PIDD1: variants seen among roughly 807,000 people sequenced by gnomAD.
PIDD1 encodes p53-induced death domain protein 1, also known as p53-induced death domain-containing protein 1.
A neutral mutation model predicts 80.0 loss-of-function variants in PIDD1; 72 were observed. The ratio of observed to expected loss-of-function variants is 0.90; its 90% CI spans 0.74 to 1.09. The LOEUF is 1.09. Ranked by LOEUF, PIDD1 falls within the 50% of genes least tolerant of loss-of-function variation. The pLI is 0.00. For missense variants in PIDD1, 1,329 were observed against 1,228.3 expected (o/e 1.08, Z -1.23); for synonymous variants, 655 against 543.5 (o/e 1.21, Z -2.85).
intron 3 of PIDD1, 34 bp from the exon 4 acceptor site, chr11:802,925 GC>G: frequency 6.5e-7 from 1 of 1,528,406 alleles, no homozygotes; most frequent in Non-Finnish European, 8.9e-7. Context: ...CTTGGCACCA[GC>G]CCAGCCCACG....
At position 800,404 on chromosome 11, in the gene PIDD1, G is replaced by A. The variant is rs1354648866; in HGVS notation, c.2089C>T (p.His697Tyr). The part of the protein sequence containing the change: ...EGRICFVFYS[H>Y]LKNVKEVYVT... ...TATACCTCCTTCACATTCTTCAGGT[G>A]CGAGTAGAAGACAAAGCAGATTCTG... is the stretch of plus-strand genomic sequence containing the variant. The change falls in exon 13 of 16, where the codon CAC becomes TAC. Residue 697 changes from histidine (H) to tyrosine (Y), a missense_variant. Physicochemically the swap from His to Tyr is moderately conservative, Grantham distance 83. Coordinates refer to ENST00000347755, the MANE Select transcript of PIDD1 (RefSeq NM_145886.4). 6.3e-7 allele frequency: 1 copy of A among 1,582,414 alleles called. No individual in the cohort carries two copies. Among genetic ancestry groups the A allele is most frequent in the African/African-American group, 1.4e-5 (1 of 71,478 alleles).
Position 805,227 on chromosome 11 carries a change from C to A in PIDD1, c.-124G>T, listed in dbSNP as rs749181681. ...GGGTGGCTGCTCAGCGGGCGCTCGG[C>A]GCCTGGGATCCCGCCGGCGCGTTTC... On this transcript the variant is annotated 5_prime_UTR_variant, in exon 1 of 16. Coordinates refer to ENST00000347755, the MANE Select transcript of PIDD1 (RefSeq NM_145886.4). 3.1e-6 allele frequency: 3 copies of A among 983,232 alleles called. No individual in the cohort carries two copies. Among genetic ancestry groups the A allele is most frequent in the African/African-American group, 1.7e-5 (1 of 57,202 alleles). 60.9% of individuals were successfully genotyped at this position (983,232 alleles called of 1,614,324 possible). A position where few individuals can be genotyped will look rare whatever the true frequency, so the allele number is the denominator to read the frequency against.
chr11:801,106 G>A lies in PIDD1; in HGVS notation c.1645C>T (p.Arg549Cys), dbSNP rs143934950. ...PSGITGLSLD[R>C]SRLHLLYWAP... The stretch of plus-strand genomic sequence containing the variant: ...CAGTACAACAGGTGCAGGCGGGAGC[G>A]GTCCAGACTGAGGCCTGGGGATGGG... Residue 549 changes from arginine (R) to cysteine (C), a missense_variant, in exon 10 of 16, where the codon CGC becomes TGC. Arg to Cys is a radical substitution (Grantham distance 180). Coordinates refer to ENST00000347755, the MANE Select transcript of PIDD1 (RefSeq NM_145886.4). 92 of 1,564,094 alleles carry A rather than the reference G, an allele frequency of 5.9e-5. 1 individual carries two copies. In the South Asian group the frequency reaches 5.9e-4, roughly 10 times the overall value.
At position 800,795 on chromosome 11, in the gene PIDD1, C is replaced by T; in HGVS notation, c.1884G>A (p.Glu628=). The change falls in exon 11 of 16, where the codon GAG becomes GAA. Residue 628 remains glutamate (E), a synonymous_variant. Coordinates refer to ENST00000347755, the MANE Select transcript of PIDD1 (RefSeq NM_145886.4). ...GGGGCAGGCACTGCAGCAGGACCTG[C>T]TCAGGGTCCCGGCGCCGCTGCAGAG... ...LIALQRRRDP[E]QVLLQCLPRN... 5 of 1,555,574 alleles carry T rather than the reference C, an allele frequency of 3.2e-6. No homozygotes were observed. Among genetic ancestry groups the T allele is most frequent in the Non-Finnish European group, 4.3e-6 (5 of 1,150,464 alleles).
At chr11:805,331 A>G (rs1461566656), upstream of PIDD1, 94 of 607,722 alleles carry the variant, frequency 1.5e-4, no homozygotes, top group Non-Finnish European at 1.9e-4. Flanking sequence ...GCTGGGGTCC[A>G]CGGGGGAGGT....
In PIDD1 at chr11:804,376, C is replaced by G. The variant is rs1305385002; in HGVS notation, c.13G>C (p.Val5Leu). 6.3e-7 allele frequency: 1 copy of G among 1,592,420 alleles called. No individual in the cohort carries two copies. Among genetic ancestry groups the G allele is most frequent in the African/African-American group, 1.3e-5 (1 of 74,488 alleles). MAATVEGPELEAAAA... is the reference protein window; with the variant it reads MAATLEGPELEAAAA... ...GCTGCCTCCAGCTCTGGCCCCTCCA[C>G]CGTTGCAGCCATCGCCCACCGACGG... The change falls in exon 2 of 16, where the codon GTG becomes CTG. Residue 5 changes from valine (V) to leucine (L), a missense_variant. Coordinates refer to ENST00000347755, the MANE Select transcript of PIDD1 (RefSeq NM_145886.4).
At position 803,198 on chromosome 11, in the gene PIDD1, G is replaced by A; in HGVS notation, c.685C>T (p.Leu229=). ...CCCAGAGAGGCTGGGAGGCTCTGCA[G>A]CCGGTTGGAGGCCAGGTTGAGCTCC... is the stretch of plus-strand genomic sequence containing the variant. ...LLELNLASNR[L]QSLPASLAGL... is the part of the protein sequence containing the mutation. The change falls in exon 3 of 16, where the codon CTG becomes TTG. Residue 229 remains leucine (L), a synonymous_variant. Coordinates refer to ENST00000347755, the MANE Select transcript of PIDD1 (RefSeq NM_145886.4). 1 of 1,608,962 alleles carries A rather than the reference G, an allele frequency of 6.2e-7. No homozygotes were observed. Among genetic ancestry groups the A allele is most frequent in the African/African-American group, 1.3e-5 (1 of 75,014 alleles).
At position 802,032 on chromosome 11, in the gene PIDD1, A is replaced by G. The variant is rs1865384043; in HGVS notation, c.1235T>C (p.Val412Ala). The change falls in exon 7 of 16, where the codon GTG (valine) becomes GCG (alanine). Residue 412 changes from valine (V) to alanine (A), a missense_variant. Coordinates refer to ENST00000347755, the MANE Select transcript of PIDD1 (RefSeq NM_145886.4). Reference sequence around the variant, plus strand: ...GCTGTTGTCATTCCGGGTCCTGACCACCACTTCACGGCAGCGCCGGGCCTG... The same window carrying G: ...GCTGTTGTCATTCCGGGTCCTGACCGCCACTTCACGGCAGCGCCGGGCCTG... Reference protein sequence around the residue: ...PPQARRCREVVVRTRNDNSWG... With the variant: ...PPQARRCREVAVRTRNDNSWG... 6.2e-7 allele frequency: 1 copy of G among 1,600,018 alleles called. No homozygotes were observed. Among genetic ancestry groups the G allele is most frequent in the Non-Finnish European group, 8.5e-7 (1 of 1,174,022 alleles).
upstream of PIDD1, among the ~76,000 whole-genome samples, chr11:805,458 G>A (rs1413406241): frequency 1.3e-5 from 2 of 152,200 alleles, no homozygotes; most frequent in East Asian, 3.9e-4. Context: ...CTGTTAGTCC[G>A]CGGGGTCGGA....
intron 7 of PIDD1, 68 bp from the exon 8 acceptor site, chr11:801,692 G>A: frequency 1.5e-6 from 2 of 1,358,492 alleles, no homozygotes; most frequent in South Asian, 1.3e-5. Context: ...GACACAGGGA[G>A]CAGGATCCAG....
rs774137336 is a variant in PIDD1, at chr11:802,187, G to C, written c.1176+8C>G. On this transcript the variant is annotated splice_region_variant and intron_variant, in intron 6 of 15. Transcript: ENST00000347755. ...CCACACACTGCCCCCGCCACGCCCT[G>C]TCCATGCCTGCTGGAAGGCCACCCC... 6 of 1,596,710 alleles carry C rather than the reference G, an allele frequency of 3.8e-6. No homozygotes were observed. In the East Asian group the frequency reaches 1.4e-4, roughly 36 times the overall value.
In PIDD1 at chr11:801,432, G is replaced by A. The variant is rs1271177354; in HGVS notation, c.1482+13C>T. 2.6e-6 allele frequency: 4 copies of A among 1,558,138 alleles called. No homozygotes were observed. The highest frequency in any genetic ancestry group is 3.5e-6 in the Non-Finnish European group (4 of 1,150,556). On this transcript the variant is annotated intron_variant, in intron 8 of 15. Coordinates refer to ENST00000347755, the MANE Select transcript of PIDD1 (RefSeq NM_145886.4). ...GGCGCGGCCTGCCACCCTCAGTGCT[G>A]TCCTGGCCATACCTGCATGGAGACT...
Position 799,865 on chromosome 11 carries a change from C to G in PIDD1, c.2424G>C (p.Leu808=), listed in dbSNP as rs768464769. ...RLGLDWPAVA[L]HLGVSYREVQ... is the part of the protein sequence containing the mutation. ...CCTCCCGGTAGGACACCCCCAGGTG[C>G]AGGGCCACGGCTGGCCAGTCCAGAC... Residue 808 remains leucine, a synonymous_variant, in exon 15 of 16, where the codon CTG becomes CTC. Transcript: ENST00000347755. The G allele has an allele frequency of 9.9e-6, 16 of 1,610,256 alleles. No homozygotes were observed. The highest frequency in any genetic ancestry group is 1.7e-5 in the Admixed American group (1 of 59,838).
In PIDD1 at chr11:804,223, G is replaced by A. The variant is rs1865612198; in HGVS notation, c.166C>T (p.Gln56Ter). 8.7e-6 allele frequency: 14 copies of A among 1,613,048 alleles called. No individual in the cohort carries two copies. The East Asian group carries it at 2.2e-4, about 26-fold the overall frequency. ...ACCTGCAGCAGCTGCAGAGGCTGCT[G>A]GACACACAGGTGCAGCAGCTGCTGG... ...GCQQLLHLCVQQPLQLLQVEF... is the reference protein window; with the variant it reads ...GCQQLLHLCV Residue 56 changes from glutamine to a stop codon, truncating the protein, a stop_gained, in exon 2 of 16, where the codon CAG becomes TAG. Transcript: ENST00000347755. LOFTEE classifies it high-confidence loss of function.
Position 800,141 on chromosome 11 carries a change from A to T in PIDD1, c.2264T>A (p.Ile755Asn). Residue 755 changes from isoleucine (I) to asparagine (N), a missense_variant, in exon 14 of 16, where the codon ATC becomes AAC. By Grantham distance (149) the Ile-to-Asn change is moderately radical (BLOSUM62 -3). Coordinates refer to ENST00000347755, the MANE Select transcript of PIDD1 (RefSeq NM_145886.4). ...ADALWMATLPIKLPRLRGSEG... is the reference protein window; with the variant it reads ...ADALWMATLPNKLPRLRGSEG... ...GTCCCTCAGTCCCACCGGCAGCTTG[A>T]TGGGCAGAGTGGCCATCCACAGGGC... The T allele has an allele frequency of 6.2e-7, 1 of 1,610,196 alleles. No homozygotes were observed. The highest frequency in any genetic ancestry group is 8.5e-7 in the Non-Finnish European group (1 of 1,179,070).
rs144022618 is a variant in PIDD1, at chr11:800,607, C to T, written c.1977G>A (p.Thr659=). The stretch of plus-strand genomic sequence containing the variant: ...ACTCTTCGCCCTCGAACATCTCCAC[C>T]GTGTCAGAGGGCTCGGGGCCCCGGT... ...ERYRGPEPSD[T]VEMFEGEEFF... Residue 659 remains threonine, a synonymous_variant, in exon 12 of 16, where the codon ACG becomes ACA. Coordinates refer to ENST00000347755, the MANE Select transcript of PIDD1 (RefSeq NM_145886.4). 64 of 1,600,732 alleles carry T rather than the reference C, an allele frequency of 4.0e-5. No individual in the cohort carries two copies. In the African/African-American group the frequency reaches 4.7e-4, roughly 12 times the overall value.
At position 800,544 on chromosome 11, in the gene PIDD1, A is replaced by G. The variant is rs2133763081; in HGVS notation, c.2040T>C (p.Ala680=). The G allele has an allele frequency of 1.3e-6, 2 of 1,495,156 alleles. No individual in the cohort carries two copies. The highest frequency in any genetic ancestry group is 1.8e-6 in the Non-Finnish European group (2 of 1,092,728). The allele number at this position is 1,495,156 out of a possible 1,614,324, so 92.6% of individuals were successfully genotyped here. ...GGGAGCATCCACCAGCATCCCTACC[A>G]GCATCCACGTCGATGCCGCGCTCGA... ...AAFERGIDVD[A]DRPDCVEGRI... The change falls in exon 12 of 16, where the codon GCT becomes GCC. Residue 680 remains alanine, a splice_region_variant and synonymous_variant. Transcript: ENST00000347755.
Position 802,088 on chromosome 11 carries a change from A to G in PIDD1, c.1179T>C (p.Asp393=). The G allele has an allele frequency of 6.3e-7, 1 of 1,576,918 alleles. No individual in the cohort carries two copies. The highest frequency in any genetic ancestry group is 8.6e-7 in the Non-Finnish European group (1 of 1,161,922). Residue 393 remains aspartate, a splice_region_variant and synonymous_variant, in exon 7 of 16, where the codon GAT becomes GAC. Transcript: ENST00000347755. ...GGGTGAAGAGCAGCCACAGCCCCAC[A>G]TCCTGCCAGACAAGGATGGTGTGAG... ...LQPHGVAFQQ[D]VGLWLLFTPP...
chr11:801,072 G>A lies in PIDD1; in HGVS notation c.1679C>T (p.Pro560Leu). The A allele has an allele frequency of 6.3e-7, 1 of 1,598,236 alleles. No individual in the cohort carries two copies. Among genetic ancestry groups the A allele is most frequent in the Non-Finnish European group, 8.5e-7 (1 of 1,172,212 alleles). ...SRLHLLYWAP[P>L]AATWDDITAQ... is the part of the protein sequence containing the mutation. ...TGTGATGTCATCCCAGGTGGCTGCA[G>A]GAGGGGCCCAGTACAACAGGTGCAG... Residue 560 changes from proline to leucine, a missense_variant, in exon 10 of 16, where the codon CCT (proline) becomes CTT (leucine). Pro to Leu is a moderately conservative substitution (Grantham distance 98). Transcript: ENST00000347755.
Sources: allele counts gnomAD v4.1 joint callset (sites outside exome capture counted in the v4.1 genomes callset), GRCh38; gene constraint gnomAD v4.1.1; transcripts MANE v1.5; gene names NCBI Gene and HGNC (gene_info 2026-07-23, HGNC 2026-07-21).